LRP5: variants seen among roughly 807,000 people sequenced by gnomAD.
The protein encoded by LRP5 is low-density lipoprotein receptor-related protein 5.
LRP5 carries 62 observed loss-of-function variants against 154.1 expected under a neutral mutation model. The ratio of observed to expected loss-of-function variants is 0.40; its 90% CI spans 0.33 to 0.50. LRP5 has a LOEUF of 0.50. Among genes scored for constraint, LRP5 ranks in the 20% least tolerant of loss-of-function variants. LRP5 has a pLI of 0.55. For missense variants in LRP5, 1,915 were observed against 2,336.7 expected, an observed-to-expected ratio of 0.82 and a Z score of 3.72; for synonymous variants, 966 against 1,011.5, an observed-to-expected ratio of 0.96 and a Z score of 0.85.
rs771711120 is a variant in LRP5, at chr11:68,386,390, G to A, written c.1090G>A (p.Asp364Asn). The change falls in exon 6 of 23, where the codon GAC becomes AAC. Residue 364 changes from aspartate to asparagine, a missense_variant. This residue lies in a region of LRP5 where 773 missense variants were observed against 1,100.9 expected (regional missense o/e 0.70). Transcript: ENST00000294304. The surrounding 1 kb of genome is among the most constrained non-coding windows in gnomAD (Gnocchi z 7.9). ...RISLDTPDFT[D>N]IVLQVDDIRH... ...CTCGCTGGACACGCCGGACTTCACCGACATCGTGCTGCAGGTGGACGACAT... is the reference window on the plus strand; with the variant it reads ...CTCGCTGGACACGCCGGACTTCACCAACATCGTGCTGCAGGTGGACGACAT... 10 of 1,613,744 alleles carry A rather than the reference G, an allele frequency of 6.2e-6. No individual in the cohort carries two copies. The highest frequency in any genetic ancestry group is 2.2e-5 in the East Asian group (1 of 44,890).
intron 1 of LRP5, among the ~76,000 whole-genome samples, chr11:68,320,588 A>G (rs981117299): frequency 1.3e-4 from 19 of 151,150 alleles, no homozygotes; most frequent in African/African-American, 4.4e-4. Context: ...CAGCCTCCCA[A>G]GTAGCTGGGA....
At chr11:68,421,572 A>G (rs2098665621) in intron 13 of LRP5, among the ~76,000 whole-genome samples, 1 of 152,130 alleles carries the variant, frequency 6.6e-6, no homozygotes, top group Admixed American at 6.6e-5. Flanking sequence ...GCTTTGACAC[A>G]TGGCCCCCTA....
At chr11:68,400,723 C>T (rs776378502) in intron 7 of LRP5, among the ~76,000 whole-genome samples, 4 of 151,674 alleles carry the variant, frequency 2.6e-5, no homozygotes, top group South Asian at 2.1e-4. Context: ...AGTGAAACTC[C>T]GTCTCAAAAA....
intron 2 of LRP5, among the ~76,000 whole-genome samples, chr11:68,354,577 G>C (rs923819948): frequency 2.0e-5 from 3 of 152,230 alleles, no homozygotes; most frequent in Admixed American, 2.0e-4. Context: ...GGCGTCTGCC[G>C]CAGGCACGCG....
chr11:68,327,191 A>G (rs1371052492), intron 1 of LRP5, among the ~76,000 whole-genome samples: 1 of 152,214 alleles, frequency 6.6e-6, no homozygotes, highest in Non-Finnish European at 1.5e-5. Flanking sequence ...CAAGTCCTCC[A>G]GGACGGTTCT....
At chr11:68,387,436 C>T (rs1416000736) in intron 6 of LRP5, among the ~76,000 whole-genome samples, 1 of 152,218 alleles carries the variant, frequency 6.6e-6, no homozygotes, top group Non-Finnish European at 1.5e-5. Context: ...CTTTTGAACA[C>T]TTTGCACACC....
chr11:68,313,304 C>T (rs1397753269), intron 1 of LRP5, among the ~76,000 whole-genome samples: 1 of 152,028 alleles, frequency 6.6e-6, no homozygotes, highest in Non-Finnish European at 1.5e-5. Flanking sequence ...GCGGCCTGGC[C>T]GGTGGCGCTG....
At chr11:68,411,296 C>T (rs2098659307) in intron 10 of LRP5, 140 bp from the exon 11 acceptor site, 7 of 846,718 alleles carry the variant, frequency 8.3e-6, no homozygotes, top group Non-Finnish European at 1.1e-5. Context: ...TCTCGCCCTT[C>T]CCTGCTTCCT....
At chr11:68,443,568 TATATATATA>T (rs1483640683) in intron 21 of LRP5, among the ~76,000 whole-genome samples, 21 of 42,038 alleles carry the variant, frequency 5.0e-4, no homozygotes, top group African/African-American at 1.0e-3. Flanking sequence ...TATATATATA[TATATATATA>T]TATATATATT....
At position 68,436,890 on chromosome 11, in the gene LRP5, C is replaced by T; in HGVS notation, c.4002C>T (p.Ala1334=). ...QDRSDEADCD[A]ICLPNQFRCA... ...TGAGTGCATGGCCTCTCCTTGCAGC[C>T]ATCTGCCTGCCCAACCAGTTCCGGT... The change falls in exon 19 of 23, where the codon GCC becomes GCT. Residue 1334 remains alanine, a splice_region_variant and synonymous_variant. Coordinates refer to ENST00000294304, the MANE Select transcript of LRP5 (RefSeq NM_002335.4). 1 of 1,613,234 alleles carries T rather than the reference C, an allele frequency of 6.2e-7. No homozygotes were observed.
rs1268779256 is a variant in LRP5, at chr11:68,438,579, T to C, written c.4245T>C (p.Tyr1415=). 5 of 1,613,990 alleles carry C rather than the reference T, an allele frequency of 3.1e-6. No homozygotes were observed. Among genetic ancestry groups the C allele is most frequent in the Admixed American group, 3.3e-5 (2 of 60,010 alleles). ...FVCQRVVCQR[Y]AGANGPFPHE... Reference sequence around the variant, plus strand: ...GCCAGCGCGTGGTGTGCCAGCGCTATGCGGGGGCCAACGGGCCCTTCCCGC... The same window carrying C: ...GCCAGCGCGTGGTGTGCCAGCGCTACGCGGGGGCCAACGGGCCCTTCCCGC... The change falls in exon 20 of 23, where the codon TAT becomes TAC. Residue 1415 remains tyrosine, a synonymous_variant. Coordinates refer to ENST00000294304, the MANE Select transcript of LRP5 (RefSeq NM_002335.4).
intron 5 of LRP5, among the ~76,000 whole-genome samples, chr11:68,379,026 A>G (rs1375430951): frequency 6.6e-6 from 1 of 152,226 alleles, no homozygotes; most frequent in South Asian, 2.1e-4. Context: ...CAGCCTGGCA[A>G]CAGAGCGAGA....
chr11:68,430,086 C>T (rs1048325519), intron 17 of LRP5, among the ~76,000 whole-genome samples: 1 of 152,236 alleles, frequency 6.6e-6, no homozygotes, highest in African/African-American at 2.4e-5. Context: ...AGTCTGAGAG[C>T]TTATTTTATA....
chr11:68,446,921 T>G (rs1299773251), intron 22 of LRP5: 1 of 349,340 alleles, frequency 2.9e-6, no homozygotes, highest in South Asian at 2.2e-5. Context: ...GGCTCTGTCC[T>G]CTTAGGATGG....
intron 22 of LRP5, among the ~76,000 whole-genome samples, 183 bp from the exon 23 acceptor site, chr11:68,448,626 T>C (rs1011654124): frequency 2.0e-5 from 3 of 152,042 alleles, no homozygotes; most frequent in South Asian, 4.2e-4. Flanking sequence ...GGTGGGACCA[T>C]TGAGGCTCAG....
In LRP5 at chr11:68,312,746, CGCT is replaced by C. The variant is rs72555376; in HGVS notation, c.58_60del (p.Leu20del). 7.1e-3 allele frequency: 6,760 copies of C among 951,934 alleles called. 1 individual carries two copies. The highest frequency in any genetic ancestry group is 0.021 in the South Asian group (653 of 30,404). 59.0% of individuals were successfully genotyped at this position (951,934 alleles called of 1,614,324 possible). On this transcript the variant is annotated inframe_deletion, in exon 1 of 23. Transcript: ENST00000294304. ...GCAGCGCCGCCCGGGCCGCCGTGGC[CGCT>C]GCTGCTGCTGCTGCTGCTGCTGCTG...
Position 68,448,837 on chromosome 11 carries a change from C to G in LRP5, c.4615C>G (p.Pro1539Ala), listed in dbSNP as rs891004773. Reference sequence around the variant, plus strand: ...CTACATCATTCGAGGAATGGCGCCCCCGACGACGCCCTGCAGCACCGACGT... The same window carrying G: ...CTACATCATTCGAGGAATGGCGCCCGCGACGACGCCCTGCAGCACCGACGT... Reference protein sequence around the residue: ...RPYIIRGMAPPTTPCSTDVCD... With the variant: ...RPYIIRGMAPATTPCSTDVCD... Residue 1539 changes from proline (P) to alanine (A), a missense_variant, in exon 23 of 23, where the codon CCG becomes GCG. By Grantham distance (27) the Pro-to-Ala change is conservative. This residue lies in a region of LRP5 where 1,094 missense variants were observed against 1,210.1 expected (regional missense o/e 0.90). Coordinates refer to ENST00000294304, the MANE Select transcript of LRP5 (RefSeq NM_002335.4). 1 of 1,609,436 alleles carries G rather than the reference C, an allele frequency of 6.2e-7. No homozygotes were observed. Among genetic ancestry groups the G allele is most frequent in the African/African-American group, 1.3e-5 (1 of 75,046 alleles).
At chr11:68,393,516 C>T (rs2098647537) in intron 7 of LRP5, among the ~76,000 whole-genome samples, 1 of 152,262 alleles carries the variant, frequency 6.6e-6, no homozygotes, top group African/African-American at 2.4e-5. Context: ...TGCTCTGGCT[C>T]ACGCCTGTAA....
chr11:68,436,244 C>T (rs1340788487), intron 18 of LRP5, among the ~76,000 whole-genome samples: 1 of 152,200 alleles, frequency 6.6e-6, no homozygotes, highest in Admixed American at 6.5e-5. Context: ...ATCTCCCATT[C>T]CCAGGGCAGG....
Sources: gnomAD v4.1 joint callset for allele counts (sites outside exome capture counted in the v4.1 genomes callset) on GRCh38, gnomAD v4.1.1 for gene constraint, gnomAD v4.1.1 regional missense constraint, Gnocchi (gnomAD v3.1) non-coding constraint, MANE v1.5 for transcripts, NCBI Gene and HGNC (gene_info 2026-07-23, HGNC 2026-07-21) for gene names.